Variants in ELAPOR2 observed in about 807,000 individuals in gnomAD.
The protein encoded by ELAPOR2 is endosome/lysosome-associated apoptosis and autophagy regulator family member 2.
A neutral mutation model predicts 120.7 loss-of-function variants in ELAPOR2; 89 were observed. That is an observed-to-expected ratio of 0.74 (90% CI 0.62 to 0.88). The LOEUF (loss-of-function observed/expected upper bound fraction) is 0.88. Among genes scored for constraint, ELAPOR2 ranks in the 40% least tolerant of loss-of-function variants. The pLI is 0.00. For synonymous variants in ELAPOR2, 444 were observed against 444.9 expected (o/e 1.00, Z 0.03); for missense variants, 1,134 against 1,251.6 (o/e 0.91, Z 1.42).
chr7:86,955,057 T>C (rs1487792651), intron 2 of ELAPOR2, among the ~76,000 whole-genome samples: 2 of 152,126 alleles, frequency 1.3e-5, no homozygotes, highest in Non-Finnish European at 2.9e-5. Context: ...CTGCCAGATT[T>C]ATTATCATTC....
At chr7:86,954,695 A>G (rs1562941524) in intron 2 of ELAPOR2, among the ~76,000 whole-genome samples, 4 of 152,164 alleles carry the variant, frequency 2.6e-5, no homozygotes, top group Non-Finnish European at 5.9e-5. Context: ...CTCACTAAGT[A>G]TAAATTCATT....
At chr7:86,922,822 A>G (rs1247195514) in intron 10 of ELAPOR2, among the ~76,000 whole-genome samples, 1 of 151,826 alleles carries the variant, frequency 6.6e-6, no homozygotes, top group East Asian at 1.9e-4. Context: ...TATATTCAAT[A>G]TTTTTCTAAA....
rs774649189 is a variant in ELAPOR2, at chr7:86,942,137, G to A, written c.655-33C>T. ...TTAAACACAAGAGCCCTAGTAAAGT[G>A]TCTTGAATAACAGCTTTAATTAAAT... On this transcript the variant is annotated intron_variant, in intron 4 of 21. Transcript: ENST00000450689. 20 of 1,255,468 alleles carry A rather than the reference G, an allele frequency of 1.6e-5. No individual in the cohort carries two copies. In the South Asian group the frequency reaches 2.4e-4, roughly 15 times the overall value. 77.8% of individuals were successfully genotyped at this position (1,255,468 alleles called of 1,614,324 possible). A position where few individuals can be genotyped will look rare whatever the true frequency, so the allele number is the denominator to read the frequency against.
intron 8 of ELAPOR2, among the ~76,000 whole-genome samples, chr7:86,934,880 C>T (rs1364406380): frequency 1.3e-5 from 2 of 151,930 alleles, no homozygotes; most frequent in Admixed American, 6.6e-5. Context: ...AGTACCTCTA[C>T]CAACCCACCT....
At position 86,918,519 on chromosome 7, in the gene ELAPOR2, T is replaced by A; in HGVS notation, c.1516A>T (p.Thr506Ser). The A allele has an allele frequency of 6.2e-7, 1 of 1,612,312 alleles. No individual in the cohort carries two copies. Among genetic ancestry groups the A allele is most frequent in the East Asian group, 2.2e-5 (1 of 44,840 alleles). ...FKPPTSMTGATGSELGRITFV... is the reference protein window; with the variant it reads ...FKPPTSMTGASGSELGRITFV... The stretch of plus-strand genomic sequence containing the variant: ...GTTATTCTTCCTAGTTCAGAACCCG[T>A]GGCTCCAGTCATAGATGTTGGTGGT... The change falls in exon 12 of 22, where the codon ACG becomes TCG. Residue 506 changes from threonine (T) to serine (S), a missense_variant. This residue lies in a region of ELAPOR2 where 831 missense variants were observed against 867.6 expected (regional missense o/e 0.96). Coordinates refer to ENST00000450689, the MANE Select transcript of ELAPOR2 (RefSeq NM_001142749.3).
At chr7:87,022,635 A>G (rs887018856) in intron 1 of ELAPOR2, among the ~76,000 whole-genome samples, 3 of 151,912 alleles carry the variant, frequency 2.0e-5, no homozygotes, top group Admixed American at 1.3e-4. Context: ...CTAGTTCTAG[A>G]TCCCTGAGGA....
At chr7:86,911,921 T>C in intron 15 of ELAPOR2, 151 bp downstream of exon 15, 4 of 780,800 alleles carry the variant, frequency 5.1e-6, no homozygotes, top group South Asian at 1.8e-5. Context: ...GCCAATATTC[T>C]AGGCAGCAAT....
chr7:86,936,891 C>G (rs1790584474), intron 8 of ELAPOR2, among the ~76,000 whole-genome samples: 1 of 151,958 alleles, frequency 6.6e-6, no homozygotes, highest in African/African-American at 2.4e-5. Context: ...ACATTAGATC[C>G]CATTCCTTTA....
intron 18 of ELAPOR2, among the ~76,000 whole-genome samples, chr7:86,904,171 C>T (rs1374144755): frequency 2.0e-5 from 3 of 152,140 alleles, no homozygotes; most frequent in East Asian, 3.9e-4. Context: ...GATGCTGTGG[C>T]ACCTCTATTA....
intron 10 of ELAPOR2, among the ~76,000 whole-genome samples, chr7:86,921,655 T>C (rs1011348339): frequency 1.3e-5 from 2 of 152,012 alleles, no homozygotes; most frequent in African/African-American, 4.8e-5. Flanking sequence ...AATTAAACAC[T>C]CATGATACCC....
Position 87,006,473 on chromosome 7 carries a change from T to C in ELAPOR2, c.190-41449A>G, listed in dbSNP as rs753741293. ...AACCACTATGGCACATGTATACCTA[T>C]GTAACAAACATGCACATTCTGCACA... is the stretch of plus-strand genomic sequence containing the variant. On this transcript the variant is annotated intron_variant, in intron 1 of 21. Transcript: ENST00000450689. Among the ~76,000 whole-genome samples the C allele has an allele frequency of 5.9e-5, 9 of 152,052 alleles. No homozygotes were observed. The South Asian group carries it at 1.0e-3, about 17-fold the overall frequency.
rs781371731 is a variant in ELAPOR2 at position 86,892,948 on chromosome 7, G to C, written c.2838C>G (p.Thr946=). 3.8e-6 allele frequency: 6 copies of C among 1,568,588 alleles called. No individual in the cohort carries two copies. Among genetic ancestry groups the C allele is most frequent in the East Asian group, 2.3e-5 (1 of 42,972 alleles). The change falls in exon 20 of 22, where the codon ACC becomes ACG. Residue 946 remains threonine, a synonymous_variant. Coordinates refer to ENST00000450689, the MANE Select transcript of ELAPOR2 (RefSeq NM_001142749.3). The part of the protein sequence containing the change: ...AFTAVLLVAL[T]CYFWKKNQKL... ...TTTGATTCTTTTTCCAGAAGTAGCA[G>C]GTCAGAGCCACCAGCAAAACGGCAG...
At chr7:87,005,620 T>C (rs1793447675) in intron 1 of ELAPOR2, among the ~76,000 whole-genome samples, 1 of 152,184 alleles carries the variant, frequency 6.6e-6, no homozygotes, top group African/African-American at 2.4e-5. Context: ...GAACTCTCAC[T>C]GATGTGGACA....
At chr7:86,940,647 T>C (rs1270442138) in intron 5 of ELAPOR2, among the ~76,000 whole-genome samples, 1 of 152,108 alleles carries the variant, frequency 6.6e-6, no homozygotes, top group East Asian at 1.9e-4. Context: ...ATACTATATG[T>C]AGTATTGGTT....
chr7:86,916,435 C>T (rs1344880997), intron 12 of ELAPOR2, among the ~76,000 whole-genome samples: 1 of 152,058 alleles, frequency 6.6e-6, no homozygotes, highest in African/African-American at 2.4e-5. Context: ...CAGAGTGTTC[C>T]ACTAATACCA....
At chr7:87,045,464 T>C (rs913834232) in intron 1 of ELAPOR2, among the ~76,000 whole-genome samples, 6 of 151,354 alleles carry the variant, frequency 4.0e-5, no homozygotes, top group Non-Finnish European at 7.4e-5. Context: ...TGTAGGGACA[T>C]GGATGAAATT....
chr7:87,009,820 T>C (rs1446923080), intron 1 of ELAPOR2, among the ~76,000 whole-genome samples: 1 of 152,206 alleles, frequency 6.6e-6, no homozygotes, highest in Non-Finnish European at 1.5e-5. Flanking sequence ...AAGAAAGCTA[T>C]TAACACCCTC....
intron 15 of ELAPOR2, among the ~76,000 whole-genome samples, chr7:86,910,295 T>G (rs114728017): frequency 6.6e-6 from 1 of 152,182 alleles, no homozygotes; most frequent in African/African-American, 2.4e-5. Context: ...TCATCAAACT[T>G]GAGAAAATAA....
chr7:86,984,056 A>C (rs1452418090), intron 1 of ELAPOR2, among the ~76,000 whole-genome samples: 2 of 152,196 alleles, frequency 1.3e-5, no homozygotes, highest in Non-Finnish European at 2.9e-5. Flanking sequence ...GTCTCTGATA[A>C]AACAGAGTTT....
Sources: allele counts gnomAD v4.1 joint callset (sites outside exome capture counted in the v4.1 genomes callset), GRCh38; gene constraint gnomAD v4.1.1; regional missense constraint gnomAD v4.1.1; transcripts MANE v1.5; gene names NCBI Gene and HGNC (gene_info 2026-07-23, HGNC 2026-07-21).